The following AP1S3 variants were observed in gnomAD, a reference collection of about 807,000 sequenced individuals.
AP1S3 encodes the protein adaptor related protein complex 1 subunit sigma 3.
Under a neutral mutation model 20.9 loss-of-function variants are expected in AP1S3, and 10 were observed. That is an observed-to-expected ratio of 0.48 (90% CI 0.29 to 0.81). The LOEUF (loss-of-function observed/expected upper bound fraction) is 0.81, where lower values mean the gene tolerates loss of function less well. Ranked by LOEUF, AP1S3 falls within the 30% of genes least tolerant of loss-of-function variation. AP1S3 has a pLI of 0.08. For synonymous variants in AP1S3, 41 were observed against 61.5 expected (o/e 0.67, Z 1.56); for missense variants, 154 against 183.8 (o/e 0.84, Z 0.94).
intron 4 of AP1S3, among the ~76,000 whole-genome samples, chr2:223,760,170 G>A (rs1184572930): frequency 1.3e-5 from 2 of 152,018 alleles, no homozygotes; most frequent in Admixed American, 1.3e-4. Flanking sequence ...TCACACCAGG[G>A]CCCCAAGTTG....
intron 4 of AP1S3, among the ~76,000 whole-genome samples, chr2:223,759,863 T>C (rs1286427689): frequency 6.6e-6 from 1 of 152,162 alleles, no homozygotes; most frequent in African/African-American, 2.4e-5. Context: ...AGTGAGAACA[T>C]GTGGCATTTG....
chr2:223,784,764 C>T (rs187975581), intron 1 of AP1S3, among the ~76,000 whole-genome samples: 99 of 152,090 alleles, frequency 6.5e-4, no homozygotes, highest in African/African-American at 2.3e-3. Flanking sequence ...TTTGTGAGTC[C>T]GAGGTGGGAA....
chr2:223,766,393 A>G (rs1690479993), intron 3 of AP1S3, among the ~76,000 whole-genome samples: 1 of 152,142 alleles, frequency 6.6e-6, no homozygotes, highest in Non-Finnish European at 1.5e-5. Flanking sequence ...GTTCACTCTG[A>G]TGATACTTTC....
intron 1 of AP1S3, among the ~76,000 whole-genome samples, chr2:223,827,823 G>A (rs937347953): frequency 2.0e-5 from 3 of 151,444 alleles, no homozygotes; most frequent in Non-Finnish European, 2.9e-5. Context: ...ACTTTGGGAG[G>A]CCAAGGCGGG....
intron 3 of AP1S3, among the ~76,000 whole-genome samples, chr2:223,769,990 C>T (rs1690574919): frequency 6.6e-6 from 1 of 151,972 alleles, no homozygotes; most frequent in Admixed American, 6.6e-5. Flanking sequence ...GTGATCCACC[C>T]GCCTCGGCCT....
In AP1S3 at chr2:223,805,409, C is replaced by A. The variant is rs1271787093; in HGVS notation, c.4-27540G>T. Among the ~76,000 whole-genome samples, 3 of 152,156 alleles carry A rather than the reference C, an allele frequency of 2.0e-5. No individual in the cohort carries two copies. In the East Asian group the frequency reaches 5.8e-4, roughly 29 times the overall value. On this transcript the variant is annotated intron_variant, in intron 1 of 4. Transcript: ENST00000396654. ...AGTGAGCCAAGATCGCACCATTACA[C>A]TCCAGCCTGGTGACAGAAGCGAAAC...
rs547596286 is a variant in AP1S3 at position 223,775,147 on chromosome 2, C to T, written c.291+754G>A. Among the ~76,000 whole-genome samples, 9 of 152,186 alleles carry T rather than the reference C, an allele frequency of 5.9e-5. No individual in the cohort carries two copies. The East Asian group carries it at 7.7e-4, about 13-fold the overall frequency. ...TCAAGAGGAATCGCTGGTGTCAACCCGCAGGAGGGTTCAATGGTAACTTGC... is the reference window on the plus strand; with the variant it reads ...TCAAGAGGAATCGCTGGTGTCAACCTGCAGGAGGGTTCAATGGTAACTTGC... On this transcript the variant is annotated intron_variant, in intron 3 of 4. Transcript: ENST00000396654.
chr2:223,832,090 T>C (rs4674825), intron 1 of AP1S3, among the ~76,000 whole-genome samples: 632 of 37,296 alleles, frequency 0.017, 31 homozygotes, highest in African/African-American at 0.037. Context: ...AAAAAAAAAA[T>C]CAAAAAAAGG....
intron 1 of AP1S3, among the ~76,000 whole-genome samples, chr2:223,797,167 G>A (rs759831132): frequency 2.0e-5 from 3 of 151,986 alleles, no homozygotes; most frequent in Admixed American, 6.6e-5. Flanking sequence ...AACTTCCCTC[G>A]TCTCTCTCTC....
At chr2:223,783,554 T>C (rs915377721) in intron 1 of AP1S3, among the ~76,000 whole-genome samples, 1 of 152,214 alleles carries the variant, frequency 6.6e-6, no homozygotes, top group Non-Finnish European at 1.5e-5. Flanking sequence ...CTGTTAGTCC[T>C]CCGAGGGAAG....
chr2:223,788,338 C>T (rs1288628399), intron 1 of AP1S3, among the ~76,000 whole-genome samples: 1 of 148,662 alleles, frequency 6.7e-6, no homozygotes, highest in African/African-American at 2.5e-5. Flanking sequence ...TTTGGCCGGG[C>T]GTGGTGGCTC....
At chr2:223,831,612 C>T (rs1692259003) in intron 1 of AP1S3, among the ~76,000 whole-genome samples, 1 of 151,896 alleles carries the variant, frequency 6.6e-6, no homozygotes, top group South Asian at 2.1e-4. Context: ...GAGAAAGTAT[C>T]GGGGAAAACT....
At chr2:223,766,061 C>T (rs1303209309) in intron 3 of AP1S3, among the ~76,000 whole-genome samples, 2 of 152,136 alleles carry the variant, frequency 1.3e-5, no homozygotes, top group African/African-American at 4.8e-5. Context: ...CTCCCATCAT[C>T]CAAATAAAGC....
At chr2:223,784,679 C>A (rs916740396) in intron 1 of AP1S3, among the ~76,000 whole-genome samples, 4 of 152,120 alleles carry the variant, frequency 2.6e-5, no homozygotes, top group Non-Finnish European at 5.9e-5. Flanking sequence ...GTGCCCATAT[C>A]TTTGGTTTCA....
At chr2:223,809,918 A>G (rs550196260) in intron 1 of AP1S3, among the ~76,000 whole-genome samples, 1 of 151,966 alleles carries the variant, frequency 6.6e-6, no homozygotes, top group South Asian at 2.1e-4. Flanking sequence ...TAGCAGAGAC[A>G]GGGTTTCACC....
At chr2:223,786,681 C>T (rs1320484246) in intron 1 of AP1S3, among the ~76,000 whole-genome samples, 3 of 152,076 alleles carry the variant, frequency 2.0e-5, no homozygotes, top group East Asian at 1.9e-4. Context: ...GTGAGCAGAT[C>T]GCTTGAGCTC....
chr2:223,768,927 C>A lies in AP1S3; in HGVS notation c.292-3577G>T, dbSNP rs137967980. 7.0e-4 allele frequency among the ~76,000 whole-genome samples: 107 copies of A among 152,234 alleles called. 1 individual carries two copies. The East Asian group carries it at 0.019, about 28-fold the overall frequency. On this transcript the variant is annotated intron_variant, in intron 3 of 4. Transcript: ENST00000396654. ...GATTAATGGCATCCCAGATACAATT[C>A]TATGGTTGTACTGAATGCTATAACT...
intron 1 of AP1S3, among the ~76,000 whole-genome samples, chr2:223,827,250 G>A (rs1167236514): frequency 6.6e-6 from 1 of 152,100 alleles, no homozygotes; most frequent in African/African-American, 2.4e-5. Flanking sequence ...TCTTAGTAAT[G>A]AAACTGAAGG....
Position 223,820,844 on chromosome 2 carries a change from A to G in AP1S3, c.3+16604T>C, listed in dbSNP as rs191283633. Reference sequence around the variant, plus strand: ...GTTTCCCAAACTCATTCTCATGGGCAGCCAAACCAATCTGCTTTGCAAACC... The same window carrying G: ...GTTTCCCAAACTCATTCTCATGGGCGGCCAAACCAATCTGCTTTGCAAACC... On this transcript the variant is annotated intron_variant, in intron 1 of 4. Transcript: ENST00000396654. 3.1e-3 allele frequency among the ~76,000 whole-genome samples: 478 copies of G among 152,272 alleles called. 3 individuals carry two copies. The highest frequency in any genetic ancestry group is 0.011 in the African/African-American group (447 of 41,550).
Sources: gnomAD v4.1 joint callset for allele counts (sites outside exome capture counted in the v4.1 genomes callset) on GRCh38, gnomAD v4.1.1 for gene constraint, MANE v1.5 for transcripts, NCBI Gene and HGNC (gene_info 2026-07-23, HGNC 2026-07-21) for gene names.